AKAP12: variants seen among roughly 807,000 people sequenced by gnomAD.
AKAP12 encodes A-kinase anchoring protein 12.
AKAP12 carries 32 observed loss-of-function variants against 79.9 expected under a neutral mutation model. The observed-to-expected ratio is 0.40, with a 90% confidence interval of 0.30 to 0.54. AKAP12 has a LOEUF of 0.54. AKAP12 is among the 20% of genes least tolerant of loss of function. The probability of loss-of-function intolerance (pLI) is 0.48; values close to 1 mark genes in which losing one functional copy is unlikely to be tolerated. For synonymous variants in AKAP12, 808 were observed against 857.0 expected, an observed-to-expected ratio of 0.94 and a Z score of 1.00; for missense variants, 2,074 against 2,177.0, an observed-to-expected ratio of 0.95 and a Z score of 0.94.
At chr6:151,259,511 T>TACAC (rs373506742) in intron 2 of AKAP12, among the ~76,000 whole-genome samples, 12,205 of 100,908 alleles carry the variant, frequency 0.12, 896 homozygotes, top group Admixed American at 0.25. Flanking sequence ...TATATATATA[T>TACAC]ACACACACAC....
At chr6:151,249,172 G>A (rs536984465) in intron 2 of AKAP12, among the ~76,000 whole-genome samples, 1 of 151,982 alleles carries the variant, frequency 6.6e-6, no homozygotes, top group Non-Finnish European at 1.5e-5. Context: ...AACTTCCCTT[G>A]TGCTGAATAA....
chr6:151,305,912 C>T lies in AKAP12; in HGVS notation c.319+9C>T, dbSNP rs765194240. On this transcript the variant is annotated intron_variant, in intron 3 of 4. Coordinates refer to ENST00000402676, the MANE Select transcript of AKAP12 (RefSeq NM_005100.4). ...AGTCATTGTCACAGAGGGTAAGCCG[C>T]CCCTCCAGGAACTGGAAGGCACACA... is the stretch of plus-strand genomic sequence containing the variant. The T allele has an allele frequency of 6.9e-6, 11 of 1,597,646 alleles. No homozygotes were observed. In the East Asian group the frequency reaches 1.1e-4, roughly 16 times the overall value.
chr6:151,276,528 T>C (rs113930971), intron 2 of AKAP12, among the ~76,000 whole-genome samples: 123 of 152,370 alleles, frequency 8.1e-4, no homozygotes, highest in African/African-American at 2.9e-3. Context: ...AGAGTAACTT[T>C]GCTTAGTCAA....
intron 2 of AKAP12, among the ~76,000 whole-genome samples, chr6:151,277,784 A>T (rs549798919): frequency 3.3e-5 from 5 of 152,356 alleles, no homozygotes; most frequent in African/African-American, 4.8e-5. Context: ...AACAAATTTT[A>T]AGAGTAATAT....
intron 2 of AKAP12, among the ~76,000 whole-genome samples, chr6:151,265,599 A>G (rs1400816967): frequency 3.9e-5 from 6 of 152,252 alleles, no homozygotes; most frequent in African/African-American, 1.4e-4. Context: ...GAAAAAAGAA[A>G]ATAAACATAC....
At position 151,240,686 on chromosome 6, in the gene AKAP12, GCGGACCCCGCCATCGCTGCCT is replaced by G. The variant is rs1796953567; in HGVS notation, c.137_157del (p.Ile46_Ala52del). ...GGCCGAGGCGGCGCCAGACACCACC[GCGGACCCCGCCATCGCTGCCT>G]CGGACCCCGCCACCAAGGTACGGGC... On this transcript the variant is annotated inframe_deletion, in exon 2 of 5. Coordinates refer to ENST00000402676, the MANE Select transcript of AKAP12 (RefSeq NM_005100.4). 1 of 1,286,272 alleles carries G rather than the reference GCGGACCCCGCCATCGCTGCCT, an allele frequency of 7.8e-7. No individual in the cohort carries two copies. The highest frequency in any genetic ancestry group is 3.2e-5 in the East Asian group (1 of 31,476). 79.7% of individuals were successfully genotyped at this position (1,286,272 alleles called of 1,614,324 possible). A position where few individuals can be genotyped will look rare whatever the true frequency, so the allele number is the denominator to read the frequency against.
chr6:151,331,512 C>T (rs1331514310), intron 3 of AKAP12, among the ~76,000 whole-genome samples: 6 of 152,176 alleles, frequency 3.9e-5, no homozygotes, highest in Non-Finnish European at 8.8e-5. Context: ...GCAGTGATAA[C>T]TTCAAGTTAT....
intron 3 of AKAP12, among the ~76,000 whole-genome samples, chr6:151,322,914 C>T (rs547659791): frequency 2.4e-4 from 37 of 152,364 alleles, no homozygotes; most frequent in African/African-American, 8.4e-4. Flanking sequence ...TATCATCCAT[C>T]TATGTATTAT....
At chr6:151,254,855 TAAAC>T (rs1279155645) in intron 2 of AKAP12, among the ~76,000 whole-genome samples, 1 of 152,234 alleles carries the variant, frequency 6.6e-6, no homozygotes, top group Non-Finnish European at 1.5e-5. Flanking sequence ...CTGTGCCTGA[TAAAC>T]AATCTCTGCA....
rs182050439 is a variant in AKAP12, at chr6:151,354,662, A to G, written c.*12+910A>G. On this transcript the variant is annotated intron_variant, in intron 4 of 4. Transcript: ENST00000402676. Reference sequence around the variant, plus strand: ...GCTGGGATTACAGGTGTGAGCCACCACGCCCAGCCCTATCTTTGTTTTGTT... The same window carrying G: ...GCTGGGATTACAGGTGTGAGCCACCGCGCCCAGCCCTATCTTTGTTTTGTT... Among the ~76,000 whole-genome samples, 1,242 of 151,130 alleles carry G rather than the reference A, an allele frequency of 8.2e-3. 14 individuals carry two copies. Among genetic ancestry groups the G allele is most frequent in the African/African-American group, 0.025 (1,017 of 41,148 alleles).
chr6:151,315,664 T>C (rs1582875889), intron 3 of AKAP12, among the ~76,000 whole-genome samples: 1 of 152,212 alleles, frequency 6.6e-6, no homozygotes, highest in South Asian at 2.1e-4. Flanking sequence ...GGCAATGATA[T>C]AGTCTAGAGC....
rs554883485 is a variant in AKAP12, at chr6:151,254,557, G to A, written c.162+13833G>A. ...GTAGAGACCGGGTTTCGCCAAGTTG[G>A]TCAGACTGATGTCGAACTCTTGATC... is the stretch of plus-strand genomic sequence containing the variant. On this transcript the variant is annotated intron_variant, in intron 2 of 4. Coordinates refer to ENST00000402676, the MANE Select transcript of AKAP12 (RefSeq NM_005100.4). 6.6e-5 allele frequency among the ~76,000 whole-genome samples: 10 copies of A among 152,208 alleles called. 1 individual carries two copies. In the South Asian group the frequency reaches 2.1e-3, roughly 32 times the overall value.
At chr6:151,335,717 C>T (rs771945230) in intron 3 of AKAP12, among the ~76,000 whole-genome samples, 3 of 152,286 alleles carry the variant, frequency 2.0e-5, no homozygotes, top group African/African-American at 7.2e-5. Flanking sequence ...AAGCGATCCT[C>T]CTGCCTCGGC....
chr6:151,329,724 G>C (rs770980821), intron 3 of AKAP12, among the ~76,000 whole-genome samples: 2 of 152,192 alleles, frequency 1.3e-5, no homozygotes, highest in African/African-American at 4.8e-5. Flanking sequence ...CACAACTGCT[G>C]GATTAATAAC....
chr6:151,312,027 T>C (rs1184454271), intron 3 of AKAP12, among the ~76,000 whole-genome samples: 1 of 152,190 alleles, frequency 6.6e-6, no homozygotes, highest in Non-Finnish European at 1.5e-5. Flanking sequence ...TCCTTTTCTA[T>C]TTCAGTTTTC....
intron 2 of AKAP12, among the ~76,000 whole-genome samples, chr6:151,292,083 T>G (rs1024667343): frequency 6.6e-6 from 1 of 152,216 alleles, no homozygotes; most frequent in Non-Finnish European, 1.5e-5. Context: ...AGGACAGTTG[T>G]TTGTGGATTT....
intron 2 of AKAP12, among the ~76,000 whole-genome samples, chr6:151,278,556 A>T (rs1776330757): frequency 6.6e-6 from 1 of 151,924 alleles, no homozygotes; most frequent in Admixed American, 6.6e-5. Flanking sequence ...TAGCATCGTA[A>T]ATCCAGTTGG....
At chr6:151,241,092 A>G (rs567983718) in intron 2 of AKAP12, among the ~76,000 whole-genome samples, 40 of 152,176 alleles carry the variant, frequency 2.6e-4, no homozygotes, top group African/African-American at 9.6e-4. Context: ...ATCCGTGGAG[A>G]ATGGACCCCG....
At chr6:151,308,617 C>A (rs550272268) in intron 3 of AKAP12, among the ~76,000 whole-genome samples, 2 of 152,198 alleles carry the variant, frequency 1.3e-5, no homozygotes, top group South Asian at 4.2e-4. Flanking sequence ...CAGAGGCTAC[C>A]CACCAGAGGT....
Sources: gnomAD v4.1 joint callset for allele counts (sites outside exome capture counted in the v4.1 genomes callset) on GRCh38, gnomAD v4.1.1 for gene constraint, MANE v1.5 for transcripts, NCBI Gene and HGNC (gene_info 2026-07-23, HGNC 2026-07-21) for gene names.